TLE3: variants seen among roughly 807,000 people sequenced by gnomAD.
TLE3 encodes the protein transducin-like enhancer protein 3.
In TLE3, 14 loss-of-function variants were observed where a neutral mutation model predicts 93.0. The ratio of observed to expected loss-of-function variants is 0.15; its 90% CI spans 0.10 to 0.24. The LOEUF is 0.24. Among genes scored for constraint, TLE3 ranks in the 10% least tolerant of loss-of-function variants. TLE3 has a pLI of 1.00. For synonymous variants in TLE3, 451 were observed against 425.0 expected, an observed-to-expected ratio of 1.06 and a Z score of -0.75; for missense variants, 693 against 1,046.6, an observed-to-expected ratio of 0.66 and a Z score of 4.66.
chr15:70,052,465 G>A lies in TLE3; in HGVS notation c.2034C>T (p.Ser678=), dbSNP rs774572755. 1 of 1,613,908 alleles carries A rather than the reference G, an allele frequency of 6.2e-7. No individual in the cohort carries two copies. Among genetic ancestry groups the A allele is most frequent in the Admixed American group, 1.7e-5 (1 of 60,022 alleles). The change falls in exon 18 of 20, where the codon AGC becomes AGT. Residue 678 remains serine (S), a synonymous_variant. Coordinates refer to ENST00000451782, the MANE Select transcript of TLE3 (RefSeq NM_001105192.3). ...TGGTGTGGTGCAGCACCTCCACGTTGCTGCTCTCCATGCCCACAGCCAGCC... is the reference window on the plus strand; with the variant it reads ...TGGTGTGGTGCAGCACCTCCACGTTACTGCTCTCCATGCCCACAGCCAGCC... The part of the protein sequence containing the change: ...GEWLAVGMES[S]NVEVLHHTKP...
At chr15:70,060,741 G>A (rs1478813285) in intron 8 of TLE3, 92 bp from the exon 9 acceptor site, 7 of 1,566,996 alleles carry the variant, frequency 4.5e-6, no homozygotes, top group African/African-American at 2.7e-5. Flanking sequence ...TGACACGGAG[G>A]TCAGGGGAGG....
At chr15:70,075,494 G>T (rs551097240) in intron 5 of TLE3, among the ~76,000 whole-genome samples, 1 of 152,270 alleles carries the variant, frequency 6.6e-6, no homozygotes, top group East Asian at 1.9e-4. Flanking sequence ...GTCCCTGAGG[G>T]AGCTGACATG....
chr15:70,097,495 G>C lies in TLE3; in HGVS notation c.-697C>G. 2.4e-6 allele frequency: 1 copy of C among 409,042 alleles called. No individual in the cohort carries two copies. Among genetic ancestry groups the C allele is most frequent in the African/African-American group, 2.0e-5 (1 of 48,828 alleles). The allele number at this position is 409,042 out of a possible 1,614,324, so 25.3% of individuals were successfully genotyped here. On this transcript the variant is annotated 5_prime_UTR_variant, in exon 1 of 20. Coordinates refer to ENST00000451782, the MANE Select transcript of TLE3 (RefSeq NM_001105192.3). ...CCGCTGCAAGCCCTTCCCAGGGCCG[G>C]GGAGGAACTCCGGGCTCAGTAGGTG...
intron 6 of TLE3, among the ~76,000 whole-genome samples, chr15:70,069,540 G>A (rs1222558967): frequency 6.6e-6 from 1 of 152,222 alleles, no homozygotes; most frequent in East Asian, 1.9e-4. Context: ...CAAAACTGAA[G>A]CGTTCCTCAT....
At chr15:70,060,717 C>G (rs1463190630) in intron 8 of TLE3, 68 bp from the exon 9 acceptor site, 1 of 1,590,772 alleles carries the variant, frequency 6.3e-7, no homozygotes, top group South Asian at 1.1e-5. Flanking sequence ...CATCCGCACA[C>G]AGCTAAGTGC....
Position 70,076,267 on chromosome 15 carries a change from G to A in TLE3, c.235-109C>T, listed in dbSNP as rs911613512. 6.3e-5 allele frequency: 62 copies of A among 991,936 alleles called. 1 individual carries two copies. Among genetic ancestry groups the A allele is most frequent in the South Asian group, 3.2e-4 (24 of 75,308 alleles). 61.4% of individuals were successfully genotyped at this position (991,936 alleles called of 1,614,324 possible). A position where few individuals can be genotyped will look rare whatever the true frequency, so the allele number is the denominator to read the frequency against. The stretch of plus-strand genomic sequence containing the variant: ...CCCCCAGACCACAGCCCCTCTCCAC[G>A]GGGCTCCATCCTTTCTGCCCTCAGT... On this transcript the variant is annotated intron_variant, in intron 4 of 19. Transcript: ENST00000451782.
chr15:70,076,242 C>T (rs2057440038), intron 4 of TLE3, 84 bp from the exon 5 acceptor site: 2 of 1,285,894 alleles, frequency 1.6e-6, no homozygotes, highest in Non-Finnish European at 2.3e-6. Context: ...ATGCAAACTC[C>T]CCCCAGACCA....
chr15:70,082,978 T>C (rs1050587056), intron 4 of TLE3, among the ~76,000 whole-genome samples: 2 of 139,260 alleles, frequency 1.4e-5, no homozygotes, highest in Non-Finnish European at 3.1e-5. Context: ...CTGGGGATGG[T>C]TAGGCCAAGC....
intron 4 of TLE3, among the ~76,000 whole-genome samples, chr15:70,085,315 T>C (rs1447047624): frequency 2.0e-5 from 3 of 152,198 alleles, no homozygotes; most frequent in African/African-American, 7.2e-5. Flanking sequence ...TCTCCCAGCT[T>C]CTGGTGCTCT....
intron 4 of TLE3, among the ~76,000 whole-genome samples, chr15:70,084,748 G>A (rs534671379): frequency 6.6e-6 from 1 of 152,334 alleles, no homozygotes; most frequent in South Asian, 2.1e-4. Context: ...CTGCAGGACC[G>A]TAGAGCCAAC....
chr15:70,050,342 T>G, intron 19 of TLE3, 138 bp from the exon 20 acceptor site: 1 of 690,878 alleles, frequency 1.4e-6, no homozygotes, highest in Non-Finnish European at 2.6e-6. Context: ...TCTCTGATGC[T>G]CCGACCTGGA....
chr15:70,064,782 C>T (rs2056709758), intron 7 of TLE3, among the ~76,000 whole-genome samples: 1 of 152,040 alleles, frequency 6.6e-6, no homozygotes, highest in African/African-American at 2.4e-5. Context: ...CCAGTTCTCC[C>T]TGTCATGCCA....
rs114042738 is a variant in TLE3 at position 70,086,611 on chromosome 15, C to T, written c.234+7921G>A. ...CTTGAGGAAAGGGTCAGCCTTCCAG[C>T]GCAAACGAAAAAGAAACTTCTATCG... On this transcript the variant is annotated intron_variant, in intron 4 of 19. Coordinates refer to ENST00000451782, the MANE Select transcript of TLE3 (RefSeq NM_001105192.3). Among the ~76,000 whole-genome samples the T allele has an allele frequency of 5.4e-3, 827 of 152,202 alleles. 9 individuals carry two copies. Among genetic ancestry groups the T allele is most frequent in the African/African-American group, 0.019 (801 of 41,524 alleles).
At chr15:70,068,087 CTTTTT>C (rs2056927723) in intron 6 of TLE3, among the ~76,000 whole-genome samples, 2 of 152,138 alleles carry the variant, frequency 1.3e-5, no homozygotes, top group Non-Finnish European at 2.9e-5. Context: ...TCCACTTTTT[CTTTTT>C]TAAGAAAATG....
In TLE3 at chr15:70,066,150, G is replaced by A; in HGVS notation, c.441C>T (p.His147=). 6.4e-7 allele frequency: 1 copy of A among 1,550,850 alleles called. No individual in the cohort carries two copies. Among genetic ancestry groups the A allele is most frequent in the Non-Finnish European group, 8.7e-7 (1 of 1,148,740 alleles). ...THGPPVQLPP[H]PSGLQPPGIP... ...TTCCTGGAGGCTGGAGACCTGACGG[G>A]TGGGGTGGCAACTGGACCGGGGGGC... Residue 147 remains histidine, a synonymous_variant, in exon 7 of 20, where the codon CAC becomes CAT. Transcript: ENST00000451782.
In TLE3 at chr15:70,097,412, C is replaced by T. The variant is rs1020052101; in HGVS notation, c.-614G>A. Reference sequence around the variant, plus strand: ...CCGGCGCGGGCGCTTCGACGCCCCCCCTCGGAGAGGAGAGCCTGCTGTTCC... The same window carrying T: ...CCGGCGCGGGCGCTTCGACGCCCCCTCTCGGAGAGGAGAGCCTGCTGTTCC... On this transcript the variant is annotated 5_prime_UTR_variant, in exon 1 of 20. Coordinates refer to ENST00000451782, the MANE Select transcript of TLE3 (RefSeq NM_001105192.3). 1 of 411,412 alleles carries T rather than the reference C, an allele frequency of 2.4e-6. No individual in the cohort carries two copies. Among genetic ancestry groups the T allele is most frequent in the East Asian group, 3.5e-5 (1 of 28,214 alleles). 25.5% of individuals were successfully genotyped at this position (411,412 alleles called of 1,614,324 possible).
At chr15:70,061,147 C>T (rs796577024) in intron 8 of TLE3, among the ~76,000 whole-genome samples, 4 of 152,060 alleles carry the variant, frequency 2.6e-5, no homozygotes, top group Admixed American at 6.6e-5. Context: ...GGAAGGAGGG[C>T]GTCAGGCAGC....
intron 16 of TLE3, 64 bp from the exon 17 acceptor site, chr15:70,053,438 T>C (rs1230390665): frequency 2.0e-6 from 3 of 1,536,982 alleles, no homozygotes; most frequent in African/African-American, 1.4e-5. Context: ...GTGGCGGCCA[T>C]CCCAGGGGCA....
At chr15:70,066,946 AGG>A (rs1567013707) in intron 6 of TLE3, 2 of 372,464 alleles carry the variant, frequency 5.4e-6, no homozygotes, top group African/African-American at 4.2e-5. Flanking sequence ...TTATCTGTAA[AGG>A]GGGAAAGCAG....
Sources: allele counts gnomAD v4.1 joint callset (sites outside exome capture counted in the v4.1 genomes callset), GRCh38; gene constraint gnomAD v4.1.1; transcripts MANE v1.5; gene names NCBI Gene and HGNC (gene_info 2026-07-23, HGNC 2026-07-21).